The following DOCK4 variants were observed in gnomAD, a reference collection of about 807,000 sequenced individuals.
DOCK4 encodes dedicator of cytokinesis 4.
DOCK4 carries 97 observed loss-of-function variants against 268.1 expected under a neutral mutation model. The observed-to-expected ratio is 0.36, with a 90% CI of 0.31 to 0.43. DOCK4 has a LOEUF of 0.43. Ranked by LOEUF, DOCK4 falls within the 20% of genes least tolerant of loss-of-function variation. The probability of loss-of-function intolerance (pLI) is 1.00; values close to 1 mark genes in which losing one functional copy is unlikely to be tolerated. For missense variants in DOCK4, 2,145 were observed against 2,455.7 expected, an observed-to-expected ratio of 0.87 and a Z score of 2.67; for synonymous variants, 954 against 887.2, an observed-to-expected ratio of 1.08 and a Z score of -1.34.
At chr7:111,737,584 T>G (rs1248167676) in intron 49 of DOCK4, among the ~76,000 whole-genome samples, 1 of 152,238 alleles carries the variant, frequency 6.6e-6, no homozygotes, top group Non-Finnish European at 1.5e-5. Flanking sequence ...TATGAAATAA[T>G]TGATAGTCTA....
chr7:112,031,980 A>T (rs932058609), intron 1 of DOCK4, among the ~76,000 whole-genome samples: 3 of 152,224 alleles, frequency 2.0e-5, no homozygotes, highest in African/African-American at 7.2e-5. Context: ...GGTTTGCAAG[A>T]TAAGACTGGT....
chr7:112,031,009 C>T (rs1393758971), intron 1 of DOCK4, among the ~76,000 whole-genome samples: 1 of 152,200 alleles, frequency 6.6e-6, no homozygotes, highest in Non-Finnish European at 1.5e-5. Flanking sequence ...GAAGCTATGC[C>T]TATCTGTCCT....
At chr7:112,180,928 A>G (rs891493257) in intron 1 of DOCK4, among the ~76,000 whole-genome samples, 4 of 152,214 alleles carry the variant, frequency 2.6e-5, no homozygotes, top group Admixed American at 6.5e-5. Context: ...TTGCATTTTT[A>G]AGGCAAAAGT....
intron 8 of DOCK4, among the ~76,000 whole-genome samples, chr7:111,947,627 T>A (rs1795724580): frequency 6.6e-6 from 1 of 152,186 alleles, no homozygotes; most frequent in South Asian, 2.1e-4. Context: ...TAAATTAATG[T>A]TATCCAATTG....
intron 50 of DOCK4, among the ~76,000 whole-genome samples, chr7:111,736,354 C>T (rs1034861513): frequency 3.9e-5 from 6 of 152,290 alleles, no homozygotes; most frequent in South Asian, 4.2e-4. Flanking sequence ...CATCTTCTGC[C>T]GTGTTGCAGA....
At chr7:111,920,795 C>T in intron 12 of DOCK4, among the ~76,000 whole-genome samples, 1 of 151,438 alleles carries the variant, frequency 6.6e-6, no homozygotes, top group African/African-American at 2.4e-5. Flanking sequence ...CAGAGAGAGA[C>T]AGAAAGAGAG....
At chr7:111,952,122 GAATA>G (rs1422671761) in intron 8 of DOCK4, among the ~76,000 whole-genome samples, 1 of 149,106 alleles carries the variant, frequency 6.7e-6, no homozygotes, top group African/African-American at 2.5e-5. Context: ...CCAAATAAAT[GAATA>G]AACAAACAAA....
At chr7:112,118,850 C>G (rs979547834) in intron 1 of DOCK4, among the ~76,000 whole-genome samples, 3 of 152,180 alleles carry the variant, frequency 2.0e-5, no homozygotes, top group African/African-American at 7.2e-5. Context: ...CATACAGAGT[C>G]AGAGCCCAGT....
intron 7 of DOCK4, among the ~76,000 whole-genome samples, chr7:111,978,885 C>T (rs961790992): frequency 2.0e-5 from 3 of 152,282 alleles, no homozygotes; most frequent in South Asian, 2.1e-4. Flanking sequence ...AGGAAAAACA[C>T]ATGGCTAGGC....
chr7:111,989,850 A>G (rs1379189634), intron 5 of DOCK4, among the ~76,000 whole-genome samples: 2 of 152,218 alleles, frequency 1.3e-5, no homozygotes, highest in African/African-American at 4.8e-5. Flanking sequence ...CTAGTGGTAC[A>G]GACTTTAAGT....
chr7:112,126,155 A>C (rs1276117129), intron 1 of DOCK4, among the ~76,000 whole-genome samples: 3 of 152,208 alleles, frequency 2.0e-5, no homozygotes, highest in African/African-American at 7.2e-5. Context: ...CTTCTGCAAA[A>C]CGAGTGAAAA....
chr7:111,837,933 A>G (rs887380750), intron 25 of DOCK4, among the ~76,000 whole-genome samples: 2 of 151,916 alleles, frequency 1.3e-5, no homozygotes, highest in Non-Finnish European at 2.9e-5. Flanking sequence ...CTAAAAATAC[A>G]AAATTAGCCG....
At chr7:112,071,090 T>C (rs569633195) in intron 1 of DOCK4, among the ~76,000 whole-genome samples, 5 of 152,342 alleles carry the variant, frequency 3.3e-5, no homozygotes, top group African/African-American at 1.2e-4. Flanking sequence ...ACCAGATCAA[T>C]AGTGCCTTTG....
At chr7:112,080,976 T>C (rs1183372520) in intron 1 of DOCK4, among the ~76,000 whole-genome samples, 1 of 152,042 alleles carries the variant, frequency 6.6e-6, no homozygotes, top group Non-Finnish European at 1.5e-5. Flanking sequence ...TGCTCAACAA[T>C]ATAAAAGAAA....
Position 111,944,854 on chromosome 7 carries a change from C to T in DOCK4, c.801G>A (p.Glu267=), listed in dbSNP as rs1272584004. The part of the protein sequence containing the change: ...CSLFVDLGSS[E]LRKDIYITVH... The stretch of plus-strand genomic sequence containing the variant: ...CGGTGATATAAATGTCCTTTCTTAG[C>T]TCACTGCTGCCCAAATCCTACAAAC... Residue 267 remains glutamate, a synonymous_variant, in exon 10 of 53, where the codon GAG becomes GAA. Transcript: ENST00000428084. 2.5e-6 allele frequency: 4 copies of T among 1,613,972 alleles called. No individual in the cohort carries two copies. In the South Asian group the frequency reaches 4.4e-5, roughly 18 times the overall value.
At chr7:111,750,857 A>G (rs1796589911) in intron 42 of DOCK4, among the ~76,000 whole-genome samples, 1 of 152,174 alleles carries the variant, frequency 6.6e-6, no homozygotes, top group African/African-American at 2.4e-5. Context: ...AAAACAAAAC[A>G]AATATACTTA....
At chr7:112,179,116 T>C (rs963581650) in intron 1 of DOCK4, among the ~76,000 whole-genome samples, 7 of 152,200 alleles carry the variant, frequency 4.6e-5, no homozygotes, top group Non-Finnish European at 1.0e-4. Context: ...CTGAACGCAT[T>C]TGGCTCACAC....
At chr7:111,759,003 G>A (rs1255233905) in intron 40 of DOCK4, among the ~76,000 whole-genome samples, 1 of 152,062 alleles carries the variant, frequency 6.6e-6, no homozygotes, top group Non-Finnish European at 1.5e-5. Context: ...CTAGGTAGGT[G>A]AAGTATCAGC....
At position 111,747,441 on chromosome 7, in the gene DOCK4, T is replaced by C. The variant is rs751716341; in HGVS notation, c.4419A>G (p.Val1473=). 1 of 1,592,414 alleles carries C rather than the reference T, an allele frequency of 6.3e-7. No individual in the cohort carries two copies. Among genetic ancestry groups the C allele is most frequent in the East Asian group, 2.3e-5 (1 of 44,408 alleles). The part of the protein sequence containing the change: ...RWFEVEKREV[V]EMSPLENAIE... ...TTGCATTTTCCAGAGGACTCATTTC[T>C]ACCTGAGAAGCAAATGAACATAAAT... Residue 1473 remains valine, a splice_region_variant and synonymous_variant, in exon 43 of 53, where the codon GTA becomes GTG. Coordinates refer to ENST00000428084, the MANE Select transcript of DOCK4 (RefSeq NM_001363540.2).
Sources: gnomAD v4.1 joint callset for allele counts (sites outside exome capture counted in the v4.1 genomes callset) on GRCh38, gnomAD v4.1.1 for gene constraint, MANE v1.5 for transcripts, NCBI Gene and HGNC (gene_info 2026-07-23, HGNC 2026-07-21) for gene names.